RBFOX1: variants seen among roughly 807,000 people sequenced by gnomAD.
RBFOX1 encodes RNA binding fox-1 homolog 1.
RBFOX1 carries 8 observed loss-of-function variants against 57.7 expected under a neutral mutation model. The observed-to-expected ratio is 0.14, with a 90% CI of 0.08 to 0.25. The LOEUF is 0.25. Among genes scored for constraint, RBFOX1 ranks in the 10% least tolerant of loss-of-function variants. The probability of loss-of-function intolerance (pLI) is 1.00; values close to 1 mark genes in which losing one functional copy is unlikely to be tolerated. For missense variants in RBFOX1, 611 were observed against 548.5 expected (o/e 1.11, Z -1.14); for synonymous variants, 326 against 222.4 (o/e 1.47, Z -4.15).
chr16:6,184,063 A>G (rs1411341537), intron 1 of RBFOX1, among the ~76,000 whole-genome samples: 1 of 152,198 alleles, frequency 6.6e-6, no homozygotes, highest in African/African-American at 2.4e-5. Flanking sequence ...ACATGGTGGC[A>G]GGCAAGAGAA....
intron 3 of RBFOX1, among the ~76,000 whole-genome samples, chr16:5,641,639 A>G (rs1184204012): frequency 2.6e-5 from 4 of 152,162 alleles, no homozygotes; most frequent in African/African-American, 7.2e-5. Flanking sequence ...CTGGCACTGC[A>G]GTGGCCTGGG....
At chr16:6,683,001 G>A (rs2058898935) in intron 3 of RBFOX1, among the ~76,000 whole-genome samples, 1 of 152,000 alleles carries the variant, frequency 6.6e-6, no homozygotes, top group Admixed American at 6.5e-5. Context: ...TACACAGCTG[G>A]GCAAGGAGTG....
At chr16:6,489,473 G>C (rs2095581061) in intron 2 of RBFOX1, among the ~76,000 whole-genome samples, 1 of 152,134 alleles carries the variant, frequency 6.6e-6, no homozygotes, top group East Asian at 1.9e-4. Context: ...ATCCAGAGAA[G>C]TTGAGTAATC....
chr16:6,424,503 T>C (rs974392297), intron 2 of RBFOX1, among the ~76,000 whole-genome samples: 1 of 152,184 alleles, frequency 6.6e-6, no homozygotes, highest in Non-Finnish European at 1.5e-5. Flanking sequence ...CCAGGAATGC[T>C]ACTGCTCAGC....
chr16:6,898,510 C>T (rs987186300), intron 3 of RBFOX1, among the ~76,000 whole-genome samples: 2 of 152,122 alleles, frequency 1.3e-5, no homozygotes, highest in African/African-American at 4.8e-5. Flanking sequence ...TTGCAACAAA[C>T]TGAAAAACAA....
intron 3 of RBFOX1, among the ~76,000 whole-genome samples, chr16:7,028,937 G>A (rs77997385): frequency 0.021 from 3,194 of 149,814 alleles, 121 homozygotes; most frequent in African/African-American, 0.074. Context: ...ATGAAATAAT[G>A]AAAGTTTAAA....
chr16:6,768,066 CTTAG>C (rs1274167533), intron 3 of RBFOX1, among the ~76,000 whole-genome samples: 1 of 151,304 alleles, frequency 6.6e-6, no homozygotes, highest in East Asian at 1.9e-4. Flanking sequence ...AATTTTCTCC[CTTAG>C]TTATTTAGCT....
intron 1 of RBFOX1, among the ~76,000 whole-genome samples, chr16:6,047,636 A>T (rs957022644): frequency 4.6e-5 from 7 of 152,184 alleles, no homozygotes; most frequent in African/African-American, 1.7e-4. Context: ...AGATTATTTC[A>T]TCCCCAAATG....
intron 14 of RBFOX1, among the ~76,000 whole-genome samples, chr16:7,678,324 G>A (rs1230146962): frequency 6.6e-6 from 1 of 151,906 alleles, no homozygotes; most frequent in East Asian, 1.9e-4. Flanking sequence ...AAGTAGAGAG[G>A]GTCAATAAGA....
chr16:7,192,612 A>G (rs1384969467), intron 4 of RBFOX1, among the ~76,000 whole-genome samples: 1 of 152,206 alleles, frequency 6.6e-6, no homozygotes, highest in Non-Finnish European at 1.5e-5. Context: ...AGGGGGCCAA[A>G]TGGAAAAACT....
chr16:6,987,355 G>C lies in RBFOX1; in HGVS notation c.-15-64702G>C, dbSNP rs185791549. 6.6e-5 allele frequency among the ~76,000 whole-genome samples: 10 copies of C among 152,010 alleles called. No homozygotes were observed. In the East Asian group the frequency reaches 1.9e-3, roughly 29 times the overall value. ...AGTGGAGAACAAGAGAGAATGAGTA[G>C]TTTGCCTAAAATCTCATCACTACCA... On this transcript the variant is annotated intron_variant, in intron 3 of 15. Coordinates refer to ENST00000550418, the MANE Select transcript of RBFOX1 (RefSeq NM_018723.4).
intron 1 of RBFOX1, among the ~76,000 whole-genome samples, chr16:5,306,338 A>C (rs1192294093): frequency 7.9e-6 from 1 of 126,722 alleles, no homozygotes; most frequent in Non-Finnish European, 1.7e-5. Flanking sequence ...TTTTTTTTTG[A>C]GACGGAGTTT....
chr16:7,362,060 T>A (rs760704627), intron 4 of RBFOX1, among the ~76,000 whole-genome samples: 2 of 151,926 alleles, frequency 1.3e-5, no homozygotes, highest in Non-Finnish European at 2.9e-5. Flanking sequence ...TTTGTGTATA[T>A]GTTAGTACGT....
intron 1 of RBFOX1, among the ~76,000 whole-genome samples, chr16:6,126,021 A>T (rs888431942): frequency 6.6e-6 from 1 of 152,214 alleles, no homozygotes; most frequent in Non-Finnish European, 1.5e-5. Context: ...TCTTATTAAC[A>T]ACTTTAACTT....
intron 2 of RBFOX1, among the ~76,000 whole-genome samples, chr16:6,568,592 T>C (rs911180568): frequency 6.6e-6 from 1 of 152,018 alleles, no homozygotes; most frequent in Non-Finnish European, 1.5e-5. Flanking sequence ...TAACAGAAGA[T>C]GGGGATTATC....
chr16:6,045,916 T>C (rs1418603098), intron 1 of RBFOX1, among the ~76,000 whole-genome samples: 1 of 151,972 alleles, frequency 6.6e-6, no homozygotes, highest in African/African-American at 2.4e-5. Context: ...GGCCCTGAAG[T>C]AGGAAAAAGA....
At chr16:6,959,734 C>G (rs145583386) in intron 3 of RBFOX1, among the ~76,000 whole-genome samples, 5,719 of 152,072 alleles carry the variant, frequency 0.038, 345 homozygotes, top group African/African-American at 0.13. Context: ...GTCAGGAGTT[C>G]GAGACCAGCC....
intron 3 of RBFOX1, among the ~76,000 whole-genome samples, chr16:5,665,318 T>G (rs1407752629): frequency 6.6e-6 from 1 of 152,162 alleles, no homozygotes; most frequent in African/African-American, 2.4e-5. Context: ...GCCTCTTGCT[T>G]TCCAAGTGTC....
At chr16:5,430,546 G>C (rs2067700058) in intron 1 of RBFOX1, among the ~76,000 whole-genome samples, 1 of 152,178 alleles carries the variant, frequency 6.6e-6, no homozygotes, top group African/African-American at 2.4e-5. Context: ...CGGCGAGCAA[G>C]GCGGTTCATG....
Sources: allele counts gnomAD v4.1 joint callset (sites outside exome capture counted in the v4.1 genomes callset), GRCh38; gene constraint gnomAD v4.1.1; transcripts MANE v1.5; gene names NCBI Gene and HGNC (gene_info 2026-07-23, HGNC 2026-07-21).